SNX2: variants seen among roughly 807,000 people sequenced by gnomAD.
SNX2 encodes sorting nexin 2.
Under a neutral mutation model 69.9 loss-of-function variants are expected in SNX2, and 25 were observed. The observed-to-expected ratio is 0.36, with a 90% CI of 0.26 to 0.50. The LOEUF is 0.50. Ranked by LOEUF, SNX2 falls within the 20% of genes least tolerant of loss-of-function variation. SNX2 has a pLI of 0.97. For synonymous variants in SNX2, 229 were observed against 200.4 expected, an observed-to-expected ratio of 1.14 and a Z score of -1.20; for missense variants, 551 against 613.3, an observed-to-expected ratio of 0.90 and a Z score of 1.07.
At chr5:122,822,372 C>T (rs929167911) in intron 11 of SNX2, among the ~76,000 whole-genome samples, 41 of 152,300 alleles carry the variant, frequency 2.7e-4, no homozygotes, top group African/African-American at 6.5e-4. Context: ...CATGAGCCAC[C>T]GCACCCAGCC....
rs930712345 is a variant in SNX2 at position 122,783,933 on chromosome 5, T to C, written c.108+8722T>C. On this transcript the variant is annotated intron_variant, in intron 1 of 14. Coordinates refer to ENST00000379516, the MANE Select transcript of SNX2 (RefSeq NM_003100.4). Reference sequence around the variant, plus strand: ...CTCTATTTATTTAGTTAGATCTTGATTTTCTTTCACTAATGTTTGTAGCTT... The same window carrying C: ...CTCTATTTATTTAGTTAGATCTTGACTTTCTTTCACTAATGTTTGTAGCTT... 2.0e-5 allele frequency among the ~76,000 whole-genome samples: 3 copies of C among 152,064 alleles called. No individual in the cohort carries two copies. The South Asian group carries it at 6.2e-4, about 32-fold the overall frequency.
chr5:122,801,841 A>G, intron 3 of SNX2, 28 bp from the exon 4 acceptor site: 1 of 1,361,338 alleles, frequency 7.3e-7, no homozygotes. Flanking sequence ...ATAATTTTTA[A>G]TGCCAAAAAA....
At chr5:122,820,392 T>C (rs1274389066) in intron 11 of SNX2, among the ~76,000 whole-genome samples, 1 of 151,994 alleles carries the variant, frequency 6.6e-6, no homozygotes, top group East Asian at 1.9e-4. Context: ...AAAAATCAGC[T>C]GGACATGGTG....
intron 1 of SNX2, among the ~76,000 whole-genome samples, chr5:122,779,020 C>T (rs1752912930): frequency 6.6e-6 from 1 of 151,976 alleles, no homozygotes; most frequent in Non-Finnish European, 1.5e-5. Flanking sequence ...CTGTTTTATT[C>T]CTTAAATGGT....
At chr5:122,823,306 G>A (rs1360125735) in intron 11 of SNX2, among the ~76,000 whole-genome samples, 1 of 151,904 alleles carries the variant, frequency 6.6e-6, no homozygotes, top group African/African-American at 2.4e-5. Flanking sequence ...TGTTACAAAG[G>A]AAAGAAAACA....
chr5:122,830,561 G>A lies in SNX2; in HGVS notation c.*913G>A, dbSNP rs144648211. Among the ~76,000 whole-genome samples the A allele has an allele frequency of 6.6e-6, 1 of 152,154 alleles. No individual in the cohort carries two copies. Among genetic ancestry groups the A allele is most frequent in the African/African-American group, 2.4e-5 (1 of 41,500 alleles). On this transcript the variant is annotated 3_prime_UTR_variant, in exon 15 of 15. Coordinates refer to ENST00000379516, the MANE Select transcript of SNX2 (RefSeq NM_003100.4). The stretch of plus-strand genomic sequence containing the variant: ...CTGTGCTCACAGTTGACAAGGAATG[G>A]TACCATGTTAAAATATACCATGATT...
In SNX2 at chr5:122,799,847, A is replaced by G. The variant is rs1753470698; in HGVS notation, c.382A>G (p.Arg128Gly). ...TGCTCCCGTGATCTTTGATAGATCCAGGGAAGAGGTACAGGAAAATGTATT... is the reference window on the plus strand; with the variant it reads ...TGCTCCCGTGATCTTTGATAGATCCGGGGAAGAGGTACAGGAAAATGTATT... ...MSAPVIFDRS[R>G]EEIEEEANGD... is the part of the protein sequence containing the mutation. The change falls in exon 3 of 15, where the codon AGG (arginine) becomes GGG (glycine). Residue 128 changes from arginine to glycine, a missense_variant. By Grantham distance (125) the Arg-to-Gly change is moderately radical. Around this residue, in one of 2 missense-constraint regions of SNX2, gnomAD observed 191 missense variants for 162.9 expected, o/e 1.17. Coordinates refer to ENST00000379516, the MANE Select transcript of SNX2 (RefSeq NM_003100.4). 1.2e-6 allele frequency: 2 copies of G among 1,609,764 alleles called. No individual in the cohort carries two copies. The highest frequency in any genetic ancestry group is 1.3e-5 in the African/African-American group (1 of 74,894).
chr5:122,781,142 C>T (rs1194221280), intron 1 of SNX2, among the ~76,000 whole-genome samples: 1 of 152,160 alleles, frequency 6.6e-6, no homozygotes, highest in Non-Finnish European at 1.5e-5. Context: ...TTGCTTGCGA[C>T]AGGGATGCTC....
At position 122,827,662 on chromosome 5, in the gene SNX2, T is replaced by A; in HGVS notation, c.1509+16T>A. On this transcript the variant is annotated intron_variant, in intron 14 of 14. Coordinates refer to ENST00000379516, the MANE Select transcript of SNX2 (RefSeq NM_003100.4). ...ACAACAACAGGTAAGCCATTTTTGT[T>A]TATAACTTAAACTTCTAGAATTTGT... The A allele has an allele frequency of 6.3e-7, 1 of 1,580,022 alleles. No homozygotes were observed. The highest frequency in any genetic ancestry group is 1.1e-5 in the South Asian group (1 of 89,236).
At chr5:122,780,839 A>G (rs1752965563) in intron 1 of SNX2, among the ~76,000 whole-genome samples, 2 of 152,104 alleles carry the variant, frequency 1.3e-5, no homozygotes, top group African/African-American at 4.8e-5. Flanking sequence ...GAGTGCTGGG[A>G]TTACAGGCCT....
chr5:122,833,824 G>A lies in SNX2; in HGVS notation c.*4176G>A, dbSNP rs1015971089. Reference sequence around the variant, plus strand: ...CAGCTAGTTTATCATCCTGAACCCAGTGAAGAAATCAAAGCTGAATAAAAG... The same window carrying A: ...CAGCTAGTTTATCATCCTGAACCCAATGAAGAAATCAAAGCTGAATAAAAG... On this transcript the variant is annotated 3_prime_UTR_variant, in exon 15 of 15. Transcript: ENST00000379516. 2.6e-5 allele frequency: 4 copies of A among 151,790 alleles called. No homozygotes were observed. Among genetic ancestry groups the A allele is most frequent in the African/African-American group, 9.7e-5 (4 of 41,410 alleles). 9.4% of individuals were successfully genotyped at this position (151,790 alleles called of 1,614,324 possible).
At chr5:122,790,310 G>A (rs144110431) in intron 1 of SNX2, among the ~76,000 whole-genome samples, 36 of 152,146 alleles carry the variant, frequency 2.4e-4, no homozygotes, top group African/African-American at 7.0e-4. Flanking sequence ...TAATAGAGAC[G>A]GGGTTTCTCC....
chr5:122,780,730 C>T (rs1400076703), intron 1 of SNX2, among the ~76,000 whole-genome samples: 4 of 151,772 alleles, frequency 2.6e-5, no homozygotes, highest in South Asian at 2.1e-4. Flanking sequence ...CCACCATGCC[C>T]GGCTAATTTT....
intron 2 of SNX2, among the ~76,000 whole-genome samples, chr5:122,795,880 G>C (rs1302127710): frequency 6.6e-6 from 1 of 152,100 alleles, no homozygotes; most frequent in East Asian, 1.9e-4. Flanking sequence ...TACAGGGGCA[G>C]GATTTGGTGT....
chr5:122,823,717 G>GGTGT (rs10559761), intron 11 of SNX2, among the ~76,000 whole-genome samples: 16,091 of 149,730 alleles, frequency 0.11, 1,244 homozygotes, highest in East Asian at 0.36. Context: ...TGTGTATGTG[G>GGTGT]GTGTGTGTGT....
At chr5:122,777,686 A>G (rs1752884671) in intron 1 of SNX2, among the ~76,000 whole-genome samples, 1 of 152,208 alleles carries the variant, frequency 6.6e-6, no homozygotes, top group Non-Finnish European at 1.5e-5. Flanking sequence ...ACTTATGTGT[A>G]TATTTTTACT....
chr5:122,811,155 T>G (rs1246810282), intron 7 of SNX2, among the ~76,000 whole-genome samples: 1 of 152,206 alleles, frequency 6.6e-6, no homozygotes, highest in South Asian at 2.1e-4. Context: ...GATATTTACG[T>G]ATTCGTTCAA....
chr5:122,779,227 C>G (rs1258967371), intron 1 of SNX2, among the ~76,000 whole-genome samples: 1 of 152,068 alleles, frequency 6.6e-6, no homozygotes, highest in African/African-American at 2.4e-5. Flanking sequence ...CTAGTGTATT[C>G]ACAGATATGC....
chr5:122,810,683 T>C (rs1240966449), intron 7 of SNX2, among the ~76,000 whole-genome samples: 2 of 151,930 alleles, frequency 1.3e-5, no homozygotes, highest in African/African-American at 2.4e-5. Context: ...TTGAGGAGAG[T>C]TTTAAGGGAT....
Sources: gnomAD v4.1 joint callset for allele counts (sites outside exome capture counted in the v4.1 genomes callset) on GRCh38, gnomAD v4.1.1 for gene constraint, gnomAD v4.1.1 regional missense constraint, MANE v1.5 for transcripts, NCBI Gene and HGNC (gene_info 2026-07-23, HGNC 2026-07-21) for gene names.